VWA3B: variants seen among roughly 807,000 people sequenced by gnomAD.
The protein encoded by VWA3B is von Willebrand factor A domain containing 3B, also known as von Willebrand factor A domain-containing protein 3B.
In VWA3B, 138 loss-of-function variants were observed where a neutral mutation model predicts 158.3. The observed-to-expected ratio is 0.87, with a 90% confidence interval of 0.76 to 1.00. The LOEUF (loss-of-function observed/expected upper bound fraction) is 1.00, where lower values mean the gene tolerates loss of function less well. VWA3B is among the 50% of genes least tolerant of loss of function. VWA3B has a pLI of 0.00. For synonymous variants in VWA3B, 596 were observed against 587.3 expected (o/e 1.01, Z -0.21); for missense variants, 1,555 against 1,565.1 (o/e 0.99, Z 0.11).
chr2:98,259,365 G>A (rs1180510877), intron 21 of VWA3B, among the ~76,000 whole-genome samples: 1 of 151,558 alleles, frequency 6.6e-6, no homozygotes, highest in South Asian at 2.1e-4. Flanking sequence ...CACCAGTGAA[G>A]GCATCTGCTT....
intron 7 of VWA3B, among the ~76,000 whole-genome samples, chr2:98,144,322 AG>A (rs1353287602): frequency 6.6e-6 from 1 of 152,100 alleles, no homozygotes; most frequent in African/African-American, 2.4e-5. Context: ...TATTATCACT[AG>A]GTAAACAACT....
At chr2:98,092,515 C>T (rs902918518) in intron 1 of VWA3B, among the ~76,000 whole-genome samples, 1 of 151,878 alleles carries the variant, frequency 6.6e-6, no homozygotes, top group Non-Finnish European at 1.5e-5. Context: ...TGGTGGCACG[C>T]GCCTGTAATC....
At chr2:98,228,131 A>G (rs1358035061) in intron 14 of VWA3B, 71 bp from the exon 15 acceptor site, 14 of 1,494,866 alleles carry the variant, frequency 9.4e-6, no homozygotes, top group Non-Finnish European at 1.2e-5. Context: ...CTCTAAAAAG[A>G]AAAGAAACAT....
chr2:98,261,566 A>G (rs1558737954), intron 21 of VWA3B, among the ~76,000 whole-genome samples: 1 of 151,866 alleles, frequency 6.6e-6, no homozygotes, highest in South Asian at 2.1e-4. Flanking sequence ...AGAGCTCTTT[A>G]TAGCATTCCT....
intron 9 of VWA3B, among the ~76,000 whole-genome samples, chr2:98,183,734 C>T (rs1031455156): frequency 1.6e-4 from 25 of 152,306 alleles, no homozygotes; most frequent in Admixed American, 9.2e-4. Context: ...GGATACGGAA[C>T]GAGAAGTTCT....
In VWA3B at chr2:98,246,893, CT is replaced by C. The variant is rs534228522; in HGVS notation, c.2674-3418del. Among the ~76,000 whole-genome samples, 935 of 152,100 alleles carry C rather than the reference CT, an allele frequency of 6.1e-3. 15 individuals carry two copies. Among genetic ancestry groups the C allele is most frequent in the African/African-American group, 0.022 (893 of 41,478 alleles). ...TTTTGTAAATACGAATATATTTGAA[CT>C]TTTTTTAACCTCTTATTTTTTATGC... is the stretch of plus-strand genomic sequence containing the variant. On this transcript the variant is annotated intron_variant, in intron 19 of 27. Transcript: ENST00000477737.
At chr2:98,163,550 A>G (rs1678821440) in intron 8 of VWA3B, among the ~76,000 whole-genome samples, 1 of 152,172 alleles carries the variant, frequency 6.6e-6, no homozygotes, top group Non-Finnish European at 1.5e-5. Flanking sequence ...AACAACAACA[A>G]CAACAACAAT....
intron 8 of VWA3B, among the ~76,000 whole-genome samples, chr2:98,171,964 C>G (rs1369350628): frequency 1.3e-5 from 2 of 152,202 alleles, no homozygotes; most frequent in African/African-American, 2.4e-5. Context: ...GGGGAGCATA[C>G]AGATGGGCAG....
chr2:98,207,756 C>T lies in VWA3B; in HGVS notation c.1738-4174C>T, dbSNP rs184646620. On this transcript the variant is annotated intron_variant, in intron 12 of 27. Transcript: ENST00000477737. The stretch of plus-strand genomic sequence containing the variant: ...TGAGGGGTCTTTTTGGCAAACTAAG[C>T]ACTCATCTGCTGTACTGTCCCTCTC... 1,132 of 364,364 alleles carry T rather than the reference C, an allele frequency of 3.1e-3. 4 individuals carry two copies. Among genetic ancestry groups the T allele is most frequent in the Middle Eastern group, 0.018 (17 of 942 alleles). The allele number at this position is 364,364 out of a possible 1,614,324, so 22.6% of individuals were successfully genotyped here.
At chr2:98,120,631 G>A (rs557995894) in intron 4 of VWA3B, among the ~76,000 whole-genome samples, 56 of 152,364 alleles carry the variant, frequency 3.7e-4, no homozygotes, top group African/African-American at 1.3e-3. Context: ...GGCAGGCCAT[G>A]GGGGCAATCG....
At chr2:98,180,623 C>A (rs1456811673) in intron 8 of VWA3B, among the ~76,000 whole-genome samples, 2 of 152,230 alleles carry the variant, frequency 1.3e-5, no homozygotes, top group African/African-American at 4.8e-5. Context: ...CAAGTTTGAG[C>A]AACTTGCTAG....
chr2:98,175,459 C>A (rs887432152), intron 8 of VWA3B, among the ~76,000 whole-genome samples: 1 of 152,042 alleles, frequency 6.6e-6, no homozygotes, highest in African/African-American at 2.4e-5. Flanking sequence ...GGGTTCAACA[C>A]CCCGATTTGA....
intron 20 of VWA3B, among the ~76,000 whole-genome samples, chr2:98,252,751 G>C (rs914194223): frequency 1.3e-5 from 2 of 152,098 alleles, no homozygotes; most frequent in South Asian, 4.1e-4. Context: ...AGGATTTCAG[G>C]AAAGGACAGG....
intron 2 of VWA3B, among the ~76,000 whole-genome samples, chr2:98,103,718 A>G (rs1335461037): frequency 6.6e-6 from 1 of 152,194 alleles, no homozygotes; most frequent in Non-Finnish European, 1.5e-5. Context: ...TTGCATGCAC[A>G]CTTGAAAAGA....
chr2:98,327,666 G>T, the VWA3B span, among the ~76,000 whole-genome samples: 1 of 152,180 alleles, frequency 6.6e-6, no homozygotes, highest in African/African-American at 2.4e-5. Context: ...TCAAACTGAT[G>T]AAGGGCATGG....
chr2:98,290,437 C>A, intron 22 of VWA3B, 74 bp from the exon 23 acceptor site: 1 of 1,111,136 alleles, frequency 9.0e-7, no homozygotes, highest in Non-Finnish European at 1.3e-6. Context: ...TATCACTAGG[C>A]TACCCAGTAT....
chr2:98,282,555 G>A (rs1034091642), intron 22 of VWA3B, among the ~76,000 whole-genome samples: 7 of 148,558 alleles, frequency 4.7e-5, no homozygotes, highest in East Asian at 2.0e-4. Context: ...CTTGTGCCTC[G>A]CCTCCTGAGT....
intron 2 of VWA3B, among the ~76,000 whole-genome samples, chr2:98,108,225 G>A (rs140406171): frequency 4.6e-5 from 7 of 152,130 alleles, no homozygotes; most frequent in African/African-American, 7.2e-5. Flanking sequence ...GACAGAGCAC[G>A]TACTTGTTTG....
intron 13 of VWA3B, 117 bp from the exon 14 acceptor site, chr2:98,217,729 C>G: frequency 4.3e-6 from 4 of 924,460 alleles, no homozygotes; most frequent in Non-Finnish European, 6.1e-6. Context: ...AGCCACTCAC[C>G]ACTGTATACA....
Sources: gnomAD v4.1 joint callset for allele counts (sites outside exome capture counted in the v4.1 genomes callset) on GRCh38, gnomAD v4.1.1 for gene constraint, MANE v1.5 for transcripts, NCBI Gene and HGNC (gene_info 2026-07-23, HGNC 2026-07-21) for gene names.